Variants in LRRFIP1 observed in about 807,000 individuals in gnomAD.
LRRFIP1 encodes the protein LRR binding FLII interacting protein 1, also known as leucine-rich repeat flightless-interacting protein 1.
A neutral mutation model predicts 104.4 loss-of-function variants in LRRFIP1; 62 were observed. The ratio of observed to expected loss-of-function variants is 0.59; its 90% CI spans 0.48 to 0.73. The LOEUF is 0.73. Ranked by LOEUF, LRRFIP1 falls within the 30% of genes least tolerant of loss-of-function variation. LRRFIP1 has a pLI of 0.00. For missense variants in LRRFIP1, 796 were observed against 824.5 expected, an observed-to-expected ratio of 0.97 and a Z score of 0.42; for synonymous variants, 300 against 299.0, an observed-to-expected ratio of 1.00 and a Z score of -0.03.
rs138714652 is a variant in LRRFIP1 at position 237,768,358 on chromosome 2, C to A, written c.1460-1585C>A. On this transcript the variant is annotated intron_variant, in intron 19 of 23. Transcript: ENST00000308482. ...CTTATTACATTTTAACACTTATTTT[C>A]TAGTGCTTATGTAGAATATTTGAAG... is the stretch of plus-strand genomic sequence containing the variant. 6 of 152,278 alleles carry A rather than the reference C, an allele frequency of 3.9e-5. No homozygotes were observed. In the East Asian group the frequency reaches 1.2e-3, roughly 29 times the overall value. The allele number at this position is 152,278 out of a possible 1,614,324, so 9.4% of individuals were successfully genotyped here.
Position 237,779,763 on chromosome 2 carries a change from C to T in LRRFIP1, c.*231C>T. 1 of 409,616 alleles carries T rather than the reference C, an allele frequency of 2.4e-6. No homozygotes were observed. Among genetic ancestry groups the T allele is most frequent in the Non-Finnish European group, 4.6e-6 (1 of 219,696 alleles). The allele number at this position is 409,616 out of a possible 1,614,324, so 25.4% of individuals were successfully genotyped here. ...CCCGGGCTGGCGCCGACGCTCAGAA[C>T]CTGCAGGTACTTCATAAGCACACAG... On this transcript the variant is annotated 3_prime_UTR_variant, in exon 24 of 24. Transcript: ENST00000308482.
At chr2:237,629,386 A>G (rs1346221559) in intron 1 of LRRFIP1, among the ~76,000 whole-genome samples, 1 of 150,046 alleles carries the variant, frequency 6.7e-6, no homozygotes, top group Non-Finnish European at 1.5e-5. Context: ...CCTTGTCTTG[A>G]TGTCAGTGGT....
chr2:237,719,940 CTTTTT>C (rs57355213), intron 5 of LRRFIP1, among the ~76,000 whole-genome samples: 28 of 103,982 alleles, frequency 2.7e-4, no homozygotes, highest in Admixed American at 6.7e-4. Flanking sequence ...GATGAAATTA[CTTTTT>C]TTTTTTTTTT....
At position 237,646,221 on chromosome 2, in the gene LRRFIP1, TA is replaced by T. The variant is rs915504246; in HGVS notation, c.96+18490del. 7.3e-5 allele frequency among the ~76,000 whole-genome samples: 11 copies of T among 151,682 alleles called. No individual in the cohort carries two copies. In the East Asian group the frequency reaches 9.6e-4, roughly 13 times the overall value. ...CTAGCTATTTTCCTCCTTTCATTTTTAAAAAAAAATATATATGTATTACATT... is the reference window on the plus strand; with the variant it reads ...CTAGCTATTTTCCTCCTTTCATTTTTAAAAAAAATATATATGTATTACATT... On this transcript the variant is annotated intron_variant, in intron 1 of 23. Transcript: ENST00000308482.
intron 7 of LRRFIP1, among the ~76,000 whole-genome samples, chr2:237,725,797 TG>T (rs2094722625): frequency 6.6e-6 from 1 of 152,246 alleles, no homozygotes; most frequent in Non-Finnish European, 1.5e-5. Context: ...GCTTCCAGCT[TG>T]CCCAGCCTTC....
At chr2:237,770,740 C>T in intron 20 of LRRFIP1, 1 of 152,482 alleles carries the variant, frequency 6.6e-6, no homozygotes, top group Non-Finnish European at 1.5e-5. Context: ...TTGCAGTGAG[C>T]CGAGATCGCA....
chr2:237,751,170 A>G (rs891467045), intron 13 of LRRFIP1, 30 bp from the exon 14 acceptor site: 3 of 1,541,292 alleles, frequency 1.9e-6, no homozygotes, highest in Middle Eastern at 1.7e-4. Context: ...TTCCCTTGAC[A>G]TCATCTGCCT....
intron 1 of LRRFIP1, among the ~76,000 whole-genome samples, chr2:237,689,134 T>C (rs1456244066): frequency 6.6e-6 from 1 of 152,152 alleles, no homozygotes; most frequent in African/African-American, 2.4e-5. Context: ...GTTACCTGTA[T>C]TATTTAGGTT....
At chr2:237,708,062 T>C (rs1446819208) in intron 1 of LRRFIP1, among the ~76,000 whole-genome samples, 1 of 152,200 alleles carries the variant, frequency 6.6e-6, no homozygotes, top group Admixed American at 6.5e-5. Flanking sequence ...AGGCCTTCAC[T>C]TTCTGCTCTG....
At chr2:237,742,668 T>C (rs2057279255) in intron 11 of LRRFIP1, among the ~76,000 whole-genome samples, 1 of 152,268 alleles carries the variant, frequency 6.6e-6, no homozygotes. Context: ...GCTGGTATAT[T>C]TTGGATCTCC....
chr2:237,668,708 C>A (rs1309899553), intron 1 of LRRFIP1, among the ~76,000 whole-genome samples: 1 of 152,166 alleles, frequency 6.6e-6, no homozygotes, highest in Non-Finnish European at 1.5e-5. Context: ...ATCCTCACAG[C>A]ATTTTTCCTG....
intron 1 of LRRFIP1, among the ~76,000 whole-genome samples, chr2:237,658,002 C>T (rs1013225970): frequency 2.0e-5 from 3 of 152,104 alleles, no homozygotes; most frequent in Non-Finnish European, 4.4e-5. Flanking sequence ...TGGCAATGAG[C>T]GTTATTTAAC....
chr2:237,682,342 GCTGT>G (rs2091933916), intron 1 of LRRFIP1, among the ~76,000 whole-genome samples: 1 of 152,230 alleles, frequency 6.6e-6, no homozygotes, highest in African/African-American at 2.4e-5. Context: ...CTGTCTGCTG[GCTGT>G]CTCTCTCCCT....
chr2:237,664,102 G>A (rs542237797), intron 1 of LRRFIP1, among the ~76,000 whole-genome samples: 86 of 152,342 alleles, frequency 5.6e-4, no homozygotes, highest in Non-Finnish European at 5.0e-4. Flanking sequence ...AGGGAGACCC[G>A]GGGAAGAATG....
chr2:237,725,331 C>T (rs999019286), intron 7 of LRRFIP1, among the ~76,000 whole-genome samples: 1 of 152,138 alleles, frequency 6.6e-6, no homozygotes, highest in Non-Finnish European at 1.5e-5. Context: ...AGTGAACAAG[C>T]CTGTGTACCA....
intron 1 of LRRFIP1, among the ~76,000 whole-genome samples, chr2:237,632,588 C>T (rs2082537718): frequency 6.6e-6 from 1 of 152,230 alleles, no homozygotes; most frequent in South Asian, 2.1e-4. Flanking sequence ...TTCTCCCTGT[C>T]CTTCCCAAAT....
chr2:237,753,337 A>G lies in LRRFIP1; in HGVS notation c.896A>G (p.Tyr299Cys), dbSNP rs2058864985. The change falls in exon 15 of 24, where the codon TAT becomes TGT. Residue 299 changes from tyrosine to cysteine, a missense_variant. Coordinates refer to ENST00000308482, the MANE Select transcript of LRRFIP1 (RefSeq NM_001137550.2). The part of the protein sequence containing the change: ...KDSLAEVEEK[Y>C]KKAMVSNAQL... Reference sequence around the variant, plus strand: ...TCTCTAGCAGAAGTTGAAGAGAAATATAAGAAGGCTATGGTTTCCAATGCT... The same window carrying G: ...TCTCTAGCAGAAGTTGAAGAGAAATGTAAGAAGGCTATGGTTTCCAATGCT... The G allele has an allele frequency of 2.5e-6, 4 of 1,590,572 alleles. No homozygotes were observed. Among genetic ancestry groups the G allele is most frequent in the African/African-American group, 1.4e-5 (1 of 73,284 alleles).
rs567238633 is a variant in LRRFIP1 at position 237,647,709 on chromosome 2, G to A, written c.96+19969G>A. Among the ~76,000 whole-genome samples the A allele has an allele frequency of 4.9e-4, 56 of 115,234 alleles. 2 individuals are homozygous for A. The highest frequency in any genetic ancestry group is 1.1e-3 in the African/African-American group (38 of 34,414). The allele number at this position is 115,234 out of a possible 152,430, so 75.6% of individuals were successfully genotyped here. ...GGTCACGCCCTGTCACCCCGTGGCC[G>A]GCCACTCACTGCAGGCAGGTGGAGG... On this transcript the variant is annotated intron_variant, in intron 1 of 23. Transcript: ENST00000308482.
chr2:237,628,502 C>T (rs1222666720), intron 1 of LRRFIP1, among the ~76,000 whole-genome samples: 1 of 152,040 alleles, frequency 6.6e-6, no homozygotes, highest in Non-Finnish European at 1.5e-5. Context: ...TCCAGAAAGC[C>T]GTACAGGGAC....
Sources: gnomAD v4.1 joint callset for allele counts (sites outside exome capture counted in the v4.1 genomes callset) on GRCh38, gnomAD v4.1.1 for gene constraint, MANE v1.5 for transcripts, NCBI Gene and HGNC (gene_info 2026-07-23, HGNC 2026-07-21) for gene names.